Variants in RARB observed in about 807,000 individuals in gnomAD.
The protein encoded by RARB is HBV-activated protein.
A neutral mutation model predicts 51.9 loss-of-function variants in RARB; 17 were observed. That is an observed-to-expected ratio of 0.33 (90% CI 0.22 to 0.49). The LOEUF (loss-of-function observed/expected upper bound fraction) is 0.49. RARB is among the 20% of genes least tolerant of loss of function. The pLI is 0.99. For missense variants in RARB, 369 were observed against 550.8 expected, an observed-to-expected ratio of 0.67 and a Z score of 3.30; for synonymous variants, 215 against 195.4, an observed-to-expected ratio of 1.10 and a Z score of -0.84.
intron 2 of RARB, among the ~76,000 whole-genome samples, chr3:25,056,553 C>T (rs768503349): frequency 6.6e-6 from 1 of 152,184 alleles, no homozygotes; most frequent in East Asian, 1.9e-4. Flanking sequence ...TGGATTCTTG[C>T]CACATGTTTT....
At chr3:25,188,715 T>A (rs1301672739) in intron 5 of RARB, among the ~76,000 whole-genome samples, 1 of 152,014 alleles carries the variant, frequency 6.6e-6, no homozygotes, top group South Asian at 2.1e-4. Context: ...AACTACCATT[T>A]GTGTGAGAAA....
At chr3:25,040,955 G>A (rs1698101884) in intron 2 of RARB, among the ~76,000 whole-genome samples, 1 of 152,158 alleles carries the variant, frequency 6.6e-6, no homozygotes, top group African/African-American at 2.4e-5. Context: ...GAGGGCAAAA[G>A]TTTTTGGTTG....
chr3:24,935,702 G>A (rs1695534471), intron 2 of RARB, among the ~76,000 whole-genome samples: 1 of 152,184 alleles, frequency 6.6e-6, no homozygotes, highest in Admixed American at 6.5e-5. Context: ...GTGTTTTCAA[G>A]TAGGCCTGGC....
chr3:25,489,201 T>C lies in RARB; in HGVS notation c.307-11981T>C, dbSNP rs960825712. Among the ~76,000 whole-genome samples the C allele has an allele frequency of 3.3e-5, 5 of 152,320 alleles. No homozygotes were observed. In the East Asian group the frequency reaches 5.8e-4, roughly 18 times the overall value. On this transcript the variant is annotated intron_variant, in intron 2 of 7. Coordinates refer to ENST00000330688, the MANE Select transcript of RARB (RefSeq NM_000965.5). ...GTTTAAAAGAACTTTTTCTTTTGCA[T>C]TGGGGACCTATTTAATTTCAAATCT...
intron 5 of RARB, among the ~76,000 whole-genome samples, chr3:25,266,910 T>G (rs1289966585): frequency 6.6e-6 from 1 of 152,172 alleles, no homozygotes; most frequent in Non-Finnish European, 1.5e-5. Context: ...GAGAAATACA[T>G]TTCTATTGTT....
At chr3:25,556,528 A>C (rs1283164176) in intron 3 of RARB, among the ~76,000 whole-genome samples, 1 of 152,200 alleles carries the variant, frequency 6.6e-6, no homozygotes, top group Non-Finnish European at 1.5e-5. Context: ...AAAAAGTTTT[A>C]AGAATTATTG....
chr3:25,473,019 G>C (rs533362041), intron 2 of RARB, among the ~76,000 whole-genome samples: 4 of 152,294 alleles, frequency 2.6e-5, no homozygotes, highest in Admixed American at 2.6e-4. Context: ...CTGTTCTCTT[G>C]TTGTATCAAA....
At chr3:25,089,029 AGT>A (rs1699151149) in intron 3 of RARB, among the ~76,000 whole-genome samples, 1 of 151,924 alleles carries the variant, frequency 6.6e-6, no homozygotes, top group Non-Finnish European at 1.5e-5. Context: ...ATTGAGTAAG[AGT>A]CTGTGAAACT....
At chr3:24,840,427 C>G (rs1457998013) in intron 1 of RARB, among the ~76,000 whole-genome samples, 2 of 152,110 alleles carry the variant, frequency 1.3e-5, no homozygotes, top group Non-Finnish European at 2.9e-5. Context: ...AGGGTTTTCC[C>G]CAGAAATGCC....
chr3:25,260,853 G>A (rs9823083), intron 5 of RARB, among the ~76,000 whole-genome samples: 2,435 of 152,184 alleles, frequency 0.016, 49 homozygotes, highest in African/African-American at 0.047. Flanking sequence ...TAGTATGGTG[G>A]CAGAACGTAC....
chr3:25,401,008 C>T (rs934955319), intron 5 of RARB, among the ~76,000 whole-genome samples: 9 of 152,114 alleles, frequency 5.9e-5, no homozygotes, highest in African/African-American at 2.2e-4. Context: ...ACTCATGCCC[C>T]CTCAGGAACT....
intron 2 of RARB, among the ~76,000 whole-genome samples, chr3:25,498,113 G>A (rs1697128783): frequency 6.6e-6 from 1 of 152,164 alleles, no homozygotes; most frequent in African/African-American, 2.4e-5. Flanking sequence ...TATTTCATGA[G>A]TACCTTCTAA....
Position 25,505,733 on chromosome 3 carries a change from G to A in RARB, c.448+4410G>A, listed in dbSNP as rs534598726. Among the ~76,000 whole-genome samples the A allele has an allele frequency of 3.9e-5, 6 of 152,254 alleles. No individual in the cohort carries two copies. The South Asian group carries it at 1.0e-3, about 26-fold the overall frequency. On this transcript the variant is annotated intron_variant, in intron 3 of 7. Transcript: ENST00000330688. ...TGGTACAATAGTTTATGAAGAATTG[G>A]AGAAGGAGGCAAAGGAAGCAAACTG...
In RARB at chr3:24,918,024, C is replaced by A. The variant is rs9880683; in HGVS notation, c.-380+59272C>A. Among the ~76,000 whole-genome samples, 979 of 152,306 alleles carry A rather than the reference C, an allele frequency of 6.4e-3. 9 individuals carry two copies. The highest frequency in any genetic ancestry group is 0.022 in the African/African-American group (929 of 41,560). On this transcript the variant is annotated intron_variant, in intron 2 of 11. Transcript: ENST00000383772. The stretch of plus-strand genomic sequence containing the variant: ...CTGAAATGTTAAATATAACATCATG[C>A]AACCCAGCAAGTCCACACCTAGCAT...
At chr3:25,145,213 G>C (rs1430593808) in intron 4 of RARB, among the ~76,000 whole-genome samples, 1 of 152,204 alleles carries the variant, frequency 6.6e-6, no homozygotes, top group East Asian at 1.9e-4. Flanking sequence ...TTGTTCCTCT[G>C]TCTTTAATGG....
At chr3:25,402,025 C>T (rs1407657087) in intron 5 of RARB, among the ~76,000 whole-genome samples, 1 of 152,128 alleles carries the variant, frequency 6.6e-6, no homozygotes, top group Non-Finnish European at 1.5e-5. Context: ...ATGCACCCAC[C>T]TCGGCTTCCC....
chr3:25,132,943 C>G (rs201261667), intron 4 of RARB, among the ~76,000 whole-genome samples: 2 of 150,944 alleles, frequency 1.3e-5, no homozygotes, highest in Non-Finnish European at 3.0e-5. Flanking sequence ...TTAACTGATG[C>G]TATCTATGCC....
intron 2 of RARB, among the ~76,000 whole-genome samples, chr3:24,926,652 G>A (rs1265261913): frequency 1.3e-5 from 2 of 151,988 alleles, no homozygotes; most frequent in Non-Finnish European, 2.9e-5. Context: ...GAAGTTGAGA[G>A]CTATTTGTAG....
At chr3:24,965,925 A>G (rs1356112546) in intron 2 of RARB, among the ~76,000 whole-genome samples, 1 of 152,222 alleles carries the variant, frequency 6.6e-6, no homozygotes, top group African/African-American at 2.4e-5. Flanking sequence ...GAAGAAAAGT[A>G]ACGTGGTATT....
Sources: gnomAD v4.1 joint callset for allele counts (sites outside exome capture counted in the v4.1 genomes callset) on GRCh38, gnomAD v4.1.1 for gene constraint, MANE v1.5 for transcripts, NCBI Gene and HGNC (gene_info 2026-07-23, HGNC 2026-07-21) for gene names.